Variants in FGF14 observed in about 807,000 individuals in gnomAD.
The protein encoded by FGF14 is fibroblast growth factor homologous factor 4.
In FGF14, 5 loss-of-function variants were observed where a neutral mutation model predicts 25.5. That is an observed-to-expected ratio of 0.20 (90% CI 0.10 to 0.41). FGF14 has a LOEUF of 0.41. FGF14 is among the 10% of genes least tolerant of loss of function. The pLI is 1.00. For synonymous variants in FGF14, 138 were observed against 118.3 expected, an observed-to-expected ratio of 1.17 and a Z score of -1.08; for missense variants, 222 against 320.1, an observed-to-expected ratio of 0.69 and a Z score of 2.34.
intron 1 of FGF14, among the ~76,000 whole-genome samples, chr13:102,163,245 T>C (rs908505276): frequency 5.3e-5 from 8 of 152,208 alleles, no homozygotes; most frequent in Non-Finnish European, 1.0e-4. Context: ...TTTAGGGCTA[T>C]CATAGCCCTT....
At chr13:101,901,255 G>T (rs138611585) in intron 1 of FGF14, among the ~76,000 whole-genome samples, 286 of 152,256 alleles carry the variant, frequency 1.9e-3, no homozygotes, top group African/African-American at 6.6e-3. Flanking sequence ...TGCGAGAAAG[G>T]GATGGGAGAA....
chr13:101,966,558 C>T (rs193090690), intron 1 of FGF14, among the ~76,000 whole-genome samples: 152 of 152,268 alleles, frequency 1.0e-3, no homozygotes, highest in Admixed American at 3.9e-3. Flanking sequence ...TCTCGCCTCA[C>T]TGCAACCTCC....
intron 1 of FGF14, among the ~76,000 whole-genome samples, chr13:102,076,824 T>C (rs530828728): frequency 8.7e-4 from 133 of 152,088 alleles, no homozygotes; most frequent in African/African-American, 2.8e-3. Flanking sequence ...CAAAGAAATA[T>C]TGAGCAAAAG....
intron 1 of FGF14, among the ~76,000 whole-genome samples, chr13:101,994,142 T>C (rs926069068): frequency 6.6e-6 from 1 of 152,002 alleles, no homozygotes; most frequent in East Asian, 1.9e-4. Context: ...ATTTAGCCAG[T>C]GTGTATGTAC....
chr13:101,896,051 G>A (rs548314529), intron 1 of FGF14, among the ~76,000 whole-genome samples: 4 of 152,204 alleles, frequency 2.6e-5, no homozygotes, highest in African/African-American at 9.6e-5. Context: ...ACTGCACAAA[G>A]ATATACCTAT....
At chr13:102,186,825 C>T (rs539629159) in intron 1 of FGF14, among the ~76,000 whole-genome samples, 1 of 152,258 alleles carries the variant, frequency 6.6e-6, no homozygotes, top group South Asian at 2.1e-4. Flanking sequence ...TGTACACACA[C>T]TTGAGTTACA....
intron 3 of FGF14, among the ~76,000 whole-genome samples, chr13:101,753,406 A>C (rs1224575644): frequency 6.6e-6 from 1 of 152,086 alleles, no homozygotes; most frequent in African/African-American, 2.4e-5. Flanking sequence ...AAAGTCTTAA[A>C]GTATTTTGTT....
chr13:101,779,753 T>C (rs1295385060), intron 3 of FGF14, among the ~76,000 whole-genome samples: 1 of 152,154 alleles, frequency 6.6e-6, no homozygotes, highest in East Asian at 1.9e-4. Flanking sequence ...CCAAGGTAAT[T>C]TGACATTTTT....
intron 3 of FGF14, among the ~76,000 whole-genome samples, chr13:101,860,197 T>G (rs1258901715): frequency 1.3e-5 from 2 of 152,106 alleles, no homozygotes; most frequent in Non-Finnish European, 2.9e-5. Flanking sequence ...TTTCTTTCTA[T>G]CATTTCTTAT....
At chr13:101,917,354 C>T (rs2033636439), upstream of FGF14, among the ~76,000 whole-genome samples, 1 of 151,508 alleles carries the variant, frequency 6.6e-6, no homozygotes, top group Non-Finnish European at 1.5e-5. Context: ...AGAAACAAAA[C>T]GTATAGGTAA....
At chr13:102,164,549 G>T (rs1348948311) in intron 1 of FGF14, among the ~76,000 whole-genome samples, 3 of 152,178 alleles carry the variant, frequency 2.0e-5, no homozygotes, top group Non-Finnish European at 2.9e-5. Context: ...AATGAAACAG[G>T]CAGGCAATTA....
At chr13:102,090,326 T>A (rs367700830) in intron 1 of FGF14, among the ~76,000 whole-genome samples, 1 of 152,224 alleles carries the variant, frequency 6.6e-6, no homozygotes, top group East Asian at 1.9e-4. Context: ...CTTTGTCTCC[T>A]GTGCTACTAT....
At chr13:102,170,981 G>A (rs912703126) in intron 1 of FGF14, among the ~76,000 whole-genome samples, 1 of 152,088 alleles carries the variant, frequency 6.6e-6, no homozygotes, top group Non-Finnish European at 1.5e-5. Flanking sequence ...CTTTAACAAT[G>A]AAAGCTTAAA....
chr13:101,756,946 G>A (rs559349498), intron 3 of FGF14, among the ~76,000 whole-genome samples: 13 of 152,224 alleles, frequency 8.5e-5, no homozygotes, highest in African/African-American at 2.9e-4. Context: ...TATTCATAGT[G>A]TTGCAAATTT....
intron 1 of FGF14, among the ~76,000 whole-genome samples, chr13:101,937,887 C>G (rs111288481): frequency 6.6e-6 from 1 of 152,100 alleles, no homozygotes; most frequent in Non-Finnish European, 1.5e-5. Context: ...CATGAGGCAC[C>G]GTGCCCAGCC....
intron 3 of FGF14, among the ~76,000 whole-genome samples, chr13:101,838,229 C>A (rs1257437413): frequency 6.6e-6 from 1 of 151,970 alleles, no homozygotes; most frequent in Non-Finnish European, 1.5e-5. Flanking sequence ...TCAATAGGGA[C>A]TTCTTCTTAA....
intron 1 of FGF14, among the ~76,000 whole-genome samples, chr13:102,151,458 T>C (rs759209407): frequency 6.6e-6 from 1 of 152,196 alleles, no homozygotes; most frequent in South Asian, 2.1e-4. Context: ...TCTATACTAA[T>C]GTCAAATCGT....
At chr13:101,968,920 G>C (rs2037416512) in intron 1 of FGF14, among the ~76,000 whole-genome samples, 1 of 150,542 alleles carries the variant, frequency 6.6e-6, no homozygotes, top group Non-Finnish European at 1.5e-5. Context: ...TTTGGAAGCA[G>C]GGAGGGTACT....
At chr13:101,853,531 T>C (rs1277449190) in intron 3 of FGF14, among the ~76,000 whole-genome samples, 1 of 152,054 alleles carries the variant, frequency 6.6e-6, no homozygotes, top group Non-Finnish European at 1.5e-5. Context: ...TGGCTCATTG[T>C]CACCTCCAAG....
Sources: allele counts gnomAD v4.1 joint callset (sites outside exome capture counted in the v4.1 genomes callset), GRCh38; gene constraint gnomAD v4.1.1; transcripts MANE v1.5; gene names NCBI Gene and HGNC (gene_info 2026-07-23, HGNC 2026-07-21).